LARGE1: variants seen among roughly 807,000 people sequenced by gnomAD.
LARGE1 encodes the protein xylosyl- and glucuronyltransferase LARGE1.
Under a neutral mutation model 87.6 loss-of-function variants are expected in LARGE1, and 43 were observed. That is an observed-to-expected ratio of 0.49 (90% CI 0.38 to 0.63). LARGE1 has a LOEUF of 0.63. Among genes scored for constraint, LARGE1 ranks in the 30% least tolerant of loss-of-function variants. The probability of loss-of-function intolerance (pLI) is 0.00; values close to 1 mark genes in which losing one functional copy is unlikely to be tolerated. For synonymous variants in LARGE1, 434 were observed against 394.6 expected (o/e 1.10, Z -1.18); for missense variants, 802 against 1,000.2 (o/e 0.80, Z 2.67).
chr22:33,859,939 G>A (rs2063864492), intron 1 of LARGE1, among the ~76,000 whole-genome samples: 1 of 152,222 alleles, frequency 6.6e-6, no homozygotes, highest in South Asian at 2.1e-4. Flanking sequence ...AACCCATAGA[G>A]AATGCTGCTT....
At chr22:33,453,414 CAA>C (rs550428324) in intron 6 of LARGE1, among the ~76,000 whole-genome samples, 13 of 127,444 alleles carry the variant, frequency 1.0e-4, no homozygotes, top group East Asian at 2.2e-4. Flanking sequence ...GACTCCATCT[CAA>C]AAAAAAAAAA....
rs981259036 is a variant in LARGE1 at position 33,802,123 on chromosome 22, G to A, written c.-82-40565C>T. ...TGACTAATGAATCCTCTGAACACAG[G>A]TATCATGCCAAGTTTCTCAAATAAA... On this transcript the variant is annotated intron_variant, in intron 1 of 14. Coordinates refer to ENST00000397394, the MANE Select transcript of LARGE1 (RefSeq NM_133642.5). Among the ~76,000 whole-genome samples, 8 of 151,984 alleles carry A rather than the reference G, an allele frequency of 5.3e-5. No homozygotes were observed. The East Asian group carries it at 1.5e-3, about 29-fold the overall frequency.
chr22:33,139,093 C>T, the LARGE1 span, among the ~76,000 whole-genome samples: 13 of 152,138 alleles, frequency 8.5e-5, no homozygotes, highest in Non-Finnish European at 1.3e-4. Context: ...CTCCTCCTTG[C>T]CTTCCACCGT....
chr22:33,822,183 A>G (rs2146264694), intron 1 of LARGE1, among the ~76,000 whole-genome samples: 1 of 152,300 alleles, frequency 6.6e-6, no homozygotes, highest in Non-Finnish European at 1.5e-5. Context: ...CTTGGGAGCT[A>G]CAAACATGTC....
chr22:33,565,065 A>G, intron 5 of LARGE1, 46 bp from the exon 6 acceptor site: 1 of 1,550,808 alleles, frequency 6.4e-7, no homozygotes, highest in Non-Finnish European at 8.9e-7. Flanking sequence ...GGGAAAAAAA[A>G]TTGCTATATT....
chr22:33,118,415 C>T, the LARGE1 span, among the ~76,000 whole-genome samples: 1 of 151,124 alleles, frequency 6.6e-6, no homozygotes, highest in East Asian at 1.9e-4. Flanking sequence ...TTGCTTGGGC[C>T]TGGGAGGTCA....
intron 5 of LARGE1, among the ~76,000 whole-genome samples, chr22:33,592,840 TTGTG>T (rs1286428778): frequency 2.3e-5 from 3 of 128,826 alleles, no homozygotes; most frequent in Non-Finnish European, 4.8e-5. Context: ...GTTTGTTTGT[TTGTG>T]TGTGTGTATT....
chr22:33,084,426 AGGTG>A, the LARGE1 span, among the ~76,000 whole-genome samples: 1 of 151,950 alleles, frequency 6.6e-6, no homozygotes, highest in Non-Finnish European at 1.5e-5. Context: ...TGGGAGACCA[AGGTG>A]GGAGGATGGC....
chr22:33,902,930 A>G (rs1005635469), intron 1 of LARGE1, among the ~76,000 whole-genome samples: 4 of 152,120 alleles, frequency 2.6e-5, no homozygotes, highest in Non-Finnish European at 5.9e-5. Flanking sequence ...TCAGGGGTTC[A>G]AGACCAGCCT....
intron 10 of LARGE1, among the ~76,000 whole-genome samples, chr22:33,328,088 A>G (rs1937397081): frequency 4.6e-5 from 7 of 152,172 alleles, no homozygotes; most frequent in Admixed American, 4.6e-4. Flanking sequence ...TATATTAGTG[A>G]TAAGTACTAT....
intron 11 of LARGE1, among the ~76,000 whole-genome samples, chr22:33,195,654 T>C (rs956177651): frequency 1.3e-5 from 2 of 151,896 alleles, no homozygotes; most frequent in East Asian, 3.8e-4. Context: ...TATCAAAATC[T>C]AGATGATACA....
At chr22:33,588,309 G>A (rs2078737737) in intron 5 of LARGE1, among the ~76,000 whole-genome samples, 2 of 152,318 alleles carry the variant, frequency 1.3e-5, no homozygotes, top group Admixed American at 6.5e-5. Context: ...GAAGTAACAG[G>A]TGGAAAGATA....
In LARGE1 at chr22:33,832,447, A is replaced by T. The variant is rs541562613; in HGVS notation, c.-82-70889T>A. Among the ~76,000 whole-genome samples, 6 of 152,236 alleles carry T rather than the reference A, an allele frequency of 3.9e-5. No individual in the cohort carries two copies. The South Asian group carries it at 1.2e-3, about 32-fold the overall frequency. ...GCCCATGGGACAAACTCGAGCCTTA[A>T]CACACTGTCAGTGTTAAGGGACAGT... On this transcript the variant is annotated intron_variant, in intron 1 of 14. Coordinates refer to ENST00000397394, the MANE Select transcript of LARGE1 (RefSeq NM_133642.5).
At chr22:33,756,859 TGAC>T (rs2084532149) in intron 2 of LARGE1, among the ~76,000 whole-genome samples, 1 of 152,076 alleles carries the variant, frequency 6.6e-6, no homozygotes, top group African/African-American at 2.4e-5. Flanking sequence ...GGGAAACAAC[TGAC>T]GCAGCTACAA....
At chr22:33,213,012 C>T (rs557402816) in intron 11 of LARGE1, among the ~76,000 whole-genome samples, 20 of 145,052 alleles carry the variant, frequency 1.4e-4, no homozygotes, top group East Asian at 1.2e-3. Flanking sequence ...AGCAAGACTC[C>T]GTCTGAAAAA....
At chr22:33,115,563 A>G in the LARGE1 span, among the ~76,000 whole-genome samples, 1 of 152,140 alleles carries the variant, frequency 6.6e-6, no homozygotes, top group African/African-American at 2.4e-5. Context: ...CATGCCTGTA[A>G]TCCCAGCACT....
intron 10 of LARGE1, among the ~76,000 whole-genome samples, chr22:33,331,387 T>C (rs534258659): frequency 5.2e-5 from 7 of 135,750 alleles, no homozygotes; most frequent in Non-Finnish European, 7.7e-5. Context: ...TTTCTTTCTT[T>C]CTCTCTCTCT....
At chr22:33,168,834 G>A (rs1922408847) in intron 11 of LARGE1, among the ~76,000 whole-genome samples, 2 of 152,294 alleles carry the variant, frequency 1.3e-5, no homozygotes, top group Middle Eastern at 3.4e-3. Context: ...ATATACAAGT[G>A]TATAAGAAGA....
At chr22:33,628,768 G>A (rs998211706) in intron 3 of LARGE1, among the ~76,000 whole-genome samples, 12 of 143,936 alleles carry the variant, frequency 8.3e-5, no homozygotes, top group African/African-American at 2.9e-4. Flanking sequence ...TTCTCAACCA[G>A]GGACATATTC....
Sources: gnomAD v4.1 joint callset for allele counts (sites outside exome capture counted in the v4.1 genomes callset) on GRCh38, gnomAD v4.1.1 for gene constraint, MANE v1.5 for transcripts, NCBI Gene and HGNC (gene_info 2026-07-23, HGNC 2026-07-21) for gene names.